The following SMIM7 variants were observed in gnomAD, a reference collection of about 807,000 sequenced individuals.
SMIM7 encodes the protein UPF0608 protein C19orf42.
SMIM7 carries 12 observed loss-of-function variants against 13.3 expected under a neutral mutation model. That is an observed-to-expected ratio of 0.90 (90% CI 0.58 to 1.46). SMIM7 has a LOEUF of 1.46. SMIM7 is among the 40% of genes most tolerant of loss of function. The pLI, the probability that SMIM7 is intolerant of heterozygous loss-of-function variation, is 0.00. For missense variants in SMIM7, 114 were observed against 94.8 expected, an observed-to-expected ratio of 1.20 and a Z score of -0.84; for synonymous variants, 36 against 35.8, an observed-to-expected ratio of 1.01 and a Z score of -0.02.
At chr19:16,639,497 G>C (rs1382344555) in intron 4 of SMIM7, among the ~76,000 whole-genome samples, 1 of 152,170 alleles carries the variant, frequency 6.6e-6, no homozygotes, top group Non-Finnish European at 1.5e-5. Context: ...AAAGTAAATA[G>C]GTTCAGCTTT....
At chr19:16,659,885 G>A (rs1599380794) in intron 2 of SMIM7, 74 bp downstream of exon 2, 7 of 1,534,412 alleles carry the variant, frequency 4.6e-6, no homozygotes, top group East Asian at 4.9e-5. Flanking sequence ...TGAGAAGTGC[G>A]CCGAGATCAC....
intron 4 of SMIM7, chr19:16,633,789 A>G (rs1473967387): frequency 2.6e-5 from 4 of 152,226 alleles, no homozygotes; most frequent in Admixed American, 6.5e-5. Context: ...TGCAGCATAT[A>G]AACTATATAC....
intron 4 of SMIM7, chr19:16,634,158 T>C (rs1599356830): frequency 6.6e-6 from 1 of 152,278 alleles, no homozygotes; most frequent in East Asian, 1.9e-4. Flanking sequence ...AGTTTGTGTT[T>C]TCCTTACTGT....
chr19:16,654,268 C>T (rs2086567387), intron 3 of SMIM7, 143 bp from the exon 4 acceptor site: 3 of 665,228 alleles, frequency 4.5e-6, no homozygotes, highest in African/African-American at 1.8e-5. Flanking sequence ...CTTTTGGTTT[C>T]TCCCTCTTCC....
rs150085396 is a variant in SMIM7 at position 16,647,143 on chromosome 19, G to C, written c.*103C>G. Reference sequence around the variant, plus strand: ...ACCACGAGCTTGGACTTTCTGGGAAGGTTGTCGGTTTTCTGGTCAAAAACA... The same window carrying C: ...ACCACGAGCTTGGACTTTCTGGGAACGTTGTCGGTTTTCTGGTCAAAAACA... On this transcript the variant is annotated 3_prime_UTR_variant, in exon 5 of 5. Transcript: ENST00000487416. 2 of 1,498,074 alleles carry C rather than the reference G, an allele frequency of 1.3e-6. No homozygotes were observed. The highest frequency in any genetic ancestry group is 1.9e-6 in the Non-Finnish European group (2 of 1,080,868). The allele number at this position is 1,498,074 out of a possible 1,614,324, so 92.8% of individuals were successfully genotyped here. A position where few individuals can be genotyped will look rare whatever the true frequency, so the allele number is the denominator to read the frequency against.
intron 4 of SMIM7, among the ~76,000 whole-genome samples, chr19:16,647,703 G>A (rs1259390142): frequency 6.6e-6 from 1 of 151,934 alleles, no homozygotes; most frequent in Non-Finnish European, 1.5e-5. Flanking sequence ...TGATCCACCC[G>A]CCTCAGCCTC....
Position 16,647,154 on chromosome 19 carries a change from T to C in SMIM7, c.*92A>G. 1.9e-6 allele frequency: 3 copies of C among 1,567,440 alleles called. No homozygotes were observed. Among genetic ancestry groups the C allele is most frequent in the Non-Finnish European group, 1.8e-6 (2 of 1,140,814 alleles). On this transcript the variant is annotated 3_prime_UTR_variant, in exon 5 of 5. Coordinates refer to ENST00000487416, the MANE Select transcript of SMIM7 (RefSeq NM_024104.4). ...GGACTTTCTGGGAAGGTTGTCGGTT[T>C]TCTGGTCAAAAACATTCTTGAAGTC...
chr19:16,658,592 T>C (rs2086626398), intron 3 of SMIM7, among the ~76,000 whole-genome samples: 1 of 152,202 alleles, frequency 6.6e-6, no homozygotes, highest in Non-Finnish European at 1.5e-5. Context: ...AGTTGCAGAA[T>C]GTTCCAATTT....
In SMIM7 at chr19:16,659,659, G is replaced by A. The variant is rs990172639; in HGVS notation, c.69-212C>T. The A allele has an allele frequency of 1.7e-5, 11 of 657,754 alleles. No homozygotes were observed. The African/African-American group carries it at 1.8e-4, about 11-fold the overall frequency. The allele number at this position is 657,754 out of a possible 1,614,324, so 40.7% of individuals were successfully genotyped here. Reference sequence around the variant, plus strand: ...GCAGCCACCGACCGTTTACAAAGTGGCCCGACAGTGCGGGTGCAGGGCGGA... The same window carrying A: ...GCAGCCACCGACCGTTTACAAAGTGACCCGACAGTGCGGGTGCAGGGCGGA... On this transcript the variant is annotated intron_variant, in intron 2 of 4. Coordinates refer to ENST00000487416, the MANE Select transcript of SMIM7 (RefSeq NM_024104.4).
chr19:16,650,329 T>C (rs1159800402), intron 4 of SMIM7, among the ~76,000 whole-genome samples: 1 of 152,252 alleles, frequency 6.6e-6, no homozygotes, highest in Non-Finnish European at 1.5e-5. Context: ...ACAGTGCTAC[T>C]GATCCCTAAA....
intron 4 of SMIM7, among the ~76,000 whole-genome samples, chr19:16,650,087 G>T (rs1168818558): frequency 1.3e-5 from 2 of 152,228 alleles, no homozygotes; most frequent in African/African-American, 4.8e-5. Flanking sequence ...ATAAAATACC[G>T]GATTGTGAAG....
At chr19:16,659,907 C>CG (rs1173472089) in intron 2 of SMIM7, 52 bp downstream of exon 2, 1 of 1,569,884 alleles carries the variant, frequency 6.4e-7, no homozygotes, top group African/African-American at 1.4e-5. Flanking sequence ...CTTATGAGGG[C>CG]GGGGCTACGG....
At chr19:16,650,504 G>A (rs1260619736) in intron 4 of SMIM7, among the ~76,000 whole-genome samples, 1 of 152,198 alleles carries the variant, frequency 6.6e-6, no homozygotes, top group Non-Finnish European at 1.5e-5. Context: ...GAGGTCAGGA[G>A]TTCGAGACCA....
At chr19:16,651,928 G>A (rs1341970235) in intron 4 of SMIM7, among the ~76,000 whole-genome samples, 1 of 138,438 alleles carries the variant, frequency 7.2e-6, no homozygotes, top group African/African-American at 2.8e-5. Flanking sequence ...AAGCATAGAA[G>A]CATAGTGACT....
rs1021278615 is a variant in SMIM7, at chr19:16,646,443, G to A, written c.*803C>T. ...AAAATGCTGTATTTCCTAGATGAAGGCCCCTGGTTTTTCAACCTCAAAATC... is the reference window on the plus strand; with the variant it reads ...AAAATGCTGTATTTCCTAGATGAAGACCCCTGGTTTTTCAACCTCAAAATC... On this transcript the variant is annotated 3_prime_UTR_variant, in exon 5 of 5. Transcript: ENST00000487416. 1.3e-5 allele frequency: 2 copies of A among 152,222 alleles called. No homozygotes were observed. The highest frequency in any genetic ancestry group is 2.9e-5 in the Non-Finnish European group (2 of 68,080). 9.4% of individuals were successfully genotyped at this position (152,222 alleles called of 1,614,324 possible). A position where few individuals can be genotyped will look rare whatever the true frequency, so the allele number is the denominator to read the frequency against.
intron 4 of SMIM7, among the ~76,000 whole-genome samples, chr19:16,638,069 C>T (rs2086373062): frequency 6.6e-6 from 1 of 151,624 alleles, no homozygotes; most frequent in African/African-American, 2.4e-5. Context: ...ACCAACCTGG[C>T]CAACGTGGTG....
At chr19:16,649,011 ACT>A (rs1189987101) in intron 4 of SMIM7, among the ~76,000 whole-genome samples, 2 of 151,868 alleles carry the variant, frequency 1.3e-5, no homozygotes, top group African/African-American at 2.4e-5. Flanking sequence ...ACAGAGTGAG[ACT>A]CTGTTTCAAA....
At chr19:16,659,766 G>A in intron 2 of SMIM7, 193 bp downstream of exon 2, 1 of 720,422 alleles carries the variant, frequency 1.4e-6, no homozygotes, top group East Asian at 2.7e-5. Flanking sequence ...AAGGAACGGA[G>A]AGTATGGGTT....
chr19:16,653,711 C>A, intron 4 of SMIM7: 1 of 309,698 alleles, frequency 3.2e-6, no homozygotes, highest in South Asian at 5.3e-5. Context: ...CTGGATAACA[C>A]GATGGAACCC....
Sources: gnomAD v4.1 joint callset for allele counts (sites outside exome capture counted in the v4.1 genomes callset) on GRCh38, gnomAD v4.1.1 for gene constraint, MANE v1.5 for transcripts, NCBI Gene and HGNC (gene_info 2026-07-23, HGNC 2026-07-21) for gene names.